HHAT: variants seen among roughly 807,000 people sequenced by gnomAD.
HHAT encodes hedgehog acyltransferase.
Under a neutral mutation model 70.8 loss-of-function variants are expected in HHAT, and 47 were observed. The ratio of observed to expected loss-of-function variants is 0.66; its 90% CI spans 0.53 to 0.85. HHAT has a LOEUF of 0.85. Ranked by LOEUF, HHAT falls within the 40% of genes least tolerant of loss-of-function variation. The probability of loss-of-function intolerance (pLI) is 0.00; values close to 1 mark genes in which losing one functional copy is unlikely to be tolerated. For synonymous variants in HHAT, 228 were observed against 247.6 expected (o/e 0.92, Z 0.74); for missense variants, 609 against 604.8 (o/e 1.01, Z -0.07).
At chr1:210,353,308 G>A (rs989645193) in intron 2 of HHAT, among the ~76,000 whole-genome samples, 2 of 152,026 alleles carry the variant, frequency 1.3e-5, no homozygotes, top group African/African-American at 2.4e-5. Context: ...GGCCTTGAAC[G>A]AATTGATGCC....
chr1:210,457,199 C>T (rs1195351745), intron 7 of HHAT, among the ~76,000 whole-genome samples: 2 of 152,246 alleles, frequency 1.3e-5, no homozygotes, highest in South Asian at 2.1e-4. Flanking sequence ...ATCTCCAAGT[C>T]TCTGTTGTAG....
At chr1:210,575,199 T>A (rs1373165326) in intron 9 of HHAT, among the ~76,000 whole-genome samples, 1 of 152,120 alleles carries the variant, frequency 6.6e-6, no homozygotes, top group East Asian at 1.9e-4. Context: ...CATATGGACA[T>A]CCTTATTGGC....
chr1:210,553,775 G>A (rs1413283152), intron 9 of HHAT, among the ~76,000 whole-genome samples: 1 of 152,086 alleles, frequency 6.6e-6, no homozygotes, highest in Admixed American at 6.6e-5. Flanking sequence ...ACCACCCAGG[G>A]CTCTGCCTCC....
chr1:210,477,463 G>A (rs2094322537), intron 8 of HHAT, among the ~76,000 whole-genome samples: 1 of 152,164 alleles, frequency 6.6e-6, no homozygotes, highest in Non-Finnish European at 1.5e-5. Context: ...AGTCCTGTAG[G>A]CATCCTTCTG....
chr1:210,564,251 C>T (rs2095649688), intron 9 of HHAT, among the ~76,000 whole-genome samples: 1 of 152,066 alleles, frequency 6.6e-6, no homozygotes, highest in Non-Finnish European at 1.5e-5. Flanking sequence ...GCATGAGCCA[C>T]CGCGCCTGGC....
At chr1:210,643,657 A>G (rs74465023) in intron 11 of HHAT, among the ~76,000 whole-genome samples, 16,055 of 152,196 alleles carry the variant, frequency 0.11, 893 homozygotes, top group East Asian at 0.18. Flanking sequence ...TTTTGTGTGA[A>G]CGACCTGGCT....
chr1:210,378,222 G>A (rs1267882000), intron 3 of HHAT, among the ~76,000 whole-genome samples: 1 of 152,124 alleles, frequency 6.6e-6, no homozygotes, highest in Non-Finnish European at 1.5e-5. Context: ...TCAGTTTGCT[G>A]CCTTTGAATG....
intron 9 of HHAT, among the ~76,000 whole-genome samples, chr1:210,530,629 G>A (rs185602381): frequency 6.2e-4 from 95 of 152,310 alleles, no homozygotes; most frequent in African/African-American, 2.2e-3. Context: ...ATGGAGAAAA[G>A]CATTTGCAGA....
intron 11 of HHAT, among the ~76,000 whole-genome samples, chr1:210,651,298 A>G (rs1168047974): frequency 6.6e-6 from 1 of 152,208 alleles, no homozygotes. Context: ...CAGTCTGGAA[A>G]ACAGAGACTA....
chr1:210,591,881 AG>A (rs1661795562), intron 10 of HHAT, among the ~76,000 whole-genome samples: 1 of 152,084 alleles, frequency 6.6e-6, no homozygotes, highest in Non-Finnish European at 1.5e-5. Flanking sequence ...TCAGATTATT[AG>A]GTTTTTTCCC....
chr1:210,334,994 A>C (rs1361697935), intron 1 of HHAT, among the ~76,000 whole-genome samples: 1 of 152,194 alleles, frequency 6.6e-6, no homozygotes, highest in African/African-American at 2.4e-5. Context: ...TTTACTAGTG[A>C]AACTTCCAAA....
intron 8 of HHAT, among the ~76,000 whole-genome samples, chr1:210,492,986 A>G (rs1342026576): frequency 1.3e-5 from 2 of 152,016 alleles, no homozygotes; most frequent in African/African-American, 2.4e-5. Flanking sequence ...TTCCCTTTTC[A>G]GCCTGTGTAC....
intron 5 of HHAT, among the ~76,000 whole-genome samples, chr1:210,403,016 C>T (rs1320652356): frequency 1.3e-5 from 2 of 152,214 alleles, no homozygotes; most frequent in African/African-American, 4.8e-5. Flanking sequence ...AAATCCTCTT[C>T]CTTCCTCATG....
intron 11 of HHAT, among the ~76,000 whole-genome samples, chr1:210,658,169 C>T (rs879844850): frequency 1.3e-5 from 2 of 152,104 alleles, no homozygotes; most frequent in African/African-American, 2.4e-5. Flanking sequence ...AAGGAGGAAT[C>T]TCCTCCCTTA....
chr1:210,470,949 A>C (rs1052261507), intron 8 of HHAT, among the ~76,000 whole-genome samples: 2 of 152,074 alleles, frequency 1.3e-5, no homozygotes, highest in Non-Finnish European at 2.9e-5. Context: ...TAATAGTCAC[A>C]CTCTACTTGG....
intron 5 of HHAT, among the ~76,000 whole-genome samples, chr1:210,403,364 A>C (rs554824799): frequency 2.0e-5 from 3 of 152,222 alleles, no homozygotes; most frequent in African/African-American, 7.2e-5. Context: ...ATCTAATTCC[A>C]TTTATCATTT....
intron 6 of HHAT, among the ~76,000 whole-genome samples, chr1:210,417,224 T>G (rs1376814860): frequency 6.6e-6 from 1 of 152,136 alleles, no homozygotes; most frequent in Non-Finnish European, 1.5e-5. Flanking sequence ...CCGAAGTGAC[T>G]TATTTTACTT....
chr1:210,410,145 C>T (rs897600022), intron 6 of HHAT, among the ~76,000 whole-genome samples: 5 of 152,078 alleles, frequency 3.3e-5, no homozygotes, highest in East Asian at 1.9e-4. Context: ...CTCCACCTCC[C>T]GGGTTCACGT....
At chr1:210,370,822 G>C (rs2089506152) in intron 3 of HHAT, among the ~76,000 whole-genome samples, 1 of 152,042 alleles carries the variant, frequency 6.6e-6, no homozygotes. Context: ...CACCGCATTA[G>C]TTAGGATGGT....
Sources: gnomAD v4.1 joint callset for allele counts (sites outside exome capture counted in the v4.1 genomes callset) on GRCh38, gnomAD v4.1.1 for gene constraint, MANE v1.5 for transcripts, NCBI Gene and HGNC (gene_info 2026-07-23, HGNC 2026-07-21) for gene names.